The following PLXNC1 variants were observed in gnomAD, a reference collection of about 807,000 sequenced individuals.
The protein encoded by PLXNC1 is plexin-C1.
In PLXNC1, 75 loss-of-function variants were observed where a neutral mutation model predicts 178.2. The observed-to-expected ratio is 0.42, with a 90% confidence interval of 0.35 to 0.51. The LOEUF (loss-of-function observed/expected upper bound fraction) is 0.51, where lower values mean the gene tolerates loss of function less well. PLXNC1 is among the 20% of genes least tolerant of loss of function. The pLI, the probability that PLXNC1 is intolerant of heterozygous loss-of-function variation, is 0.02. For synonymous variants in PLXNC1, 790 were observed against 779.9 expected (o/e 1.01, Z -0.22); for missense variants, 1,503 against 1,984.4 (o/e 0.76, Z 4.61).
chr12:94,204,710 G>A (rs140325617), intron 4 of PLXNC1, among the ~76,000 whole-genome samples: 216 of 152,170 alleles, frequency 1.4e-3, no homozygotes, highest in African/African-American at 4.7e-3. Context: ...AGACCACCTC[G>A]CCCCTCCACT....
At position 94,217,776 on chromosome 12, in the gene PLXNC1, C is replaced by T. The variant is rs190616342; in HGVS notation, c.1555-2240C>T. Among the ~76,000 whole-genome samples the T allele has an allele frequency of 2.6e-3, 401 of 152,298 alleles. 1 individual carries two copies. The highest frequency in any genetic ancestry group is 4.2e-3 in the Non-Finnish European group (288 of 68,036). On this transcript the variant is annotated intron_variant, in intron 5 of 30. Coordinates refer to ENST00000258526, the MANE Select transcript of PLXNC1 (RefSeq NM_005761.3). ...TGATGATTCCTTGATACCATGTGAC[C>T]TTCCAGTTTTATTCTGGTGGAATGT... is the stretch of plus-strand genomic sequence containing the variant.
intron 28 of PLXNC1, among the ~76,000 whole-genome samples, chr12:94,302,250 T>TAAAA (rs1968541654): frequency 6.6e-6 from 1 of 152,222 alleles, no homozygotes; most frequent in South Asian, 2.1e-4. Flanking sequence ...ATACCCACTG[T>TAAAA]GCTACAGCTT....
chr12:94,237,709 G>C lies in PLXNC1; in HGVS notation c.2026G>C (p.Gly676Arg). ...TGAGCCACAGAAAGTATCGACATTA[G>C]GGAAAAGCAACGTGATAGTAACGGG... Reference protein sequence around the residue: ...SIEPQKVSTLGKSNVIVTGAN... With the variant: ...SIEPQKVSTLRKSNVIVTGAN... Residue 676 changes from glycine to arginine, a missense_variant, in exon 10 of 31, where the codon GGG becomes CGG. Transcript: ENST00000258526. 1 of 1,613,848 alleles carries C rather than the reference G, an allele frequency of 6.2e-7. No homozygotes were observed.
chr12:94,237,828 T>A (rs375192698), intron 10 of PLXNC1, 25 bp downstream of exon 10: 1 of 1,609,296 alleles, frequency 6.2e-7, no homozygotes, highest in Non-Finnish European at 8.5e-7. Flanking sequence ...TAATAATTTA[T>A]CCTCGGTAAC....
intron 1 of PLXNC1, among the ~76,000 whole-genome samples, chr12:94,160,829 A>C (rs903827918): frequency 6.6e-6 from 1 of 152,236 alleles, no homozygotes; most frequent in Non-Finnish European, 1.5e-5. Context: ...CGATCTATCA[A>C]AATGTTTTTT....
At chr12:94,231,273 A>AG (rs1177083253) in intron 9 of PLXNC1, among the ~76,000 whole-genome samples, 1 of 152,178 alleles carries the variant, frequency 6.6e-6, no homozygotes, top group Non-Finnish European at 1.5e-5. Flanking sequence ...TTTGAAGCAG[A>AG]GGAACCAGCA....
At chr12:94,296,785 G>A (rs1267271096) in intron 24 of PLXNC1, among the ~76,000 whole-genome samples, 1 of 152,138 alleles carries the variant, frequency 6.6e-6, no homozygotes, top group African/African-American at 2.4e-5. Flanking sequence ...TATAATAATT[G>A]TGTACCTAGA....
chr12:94,245,692 G>A (rs1183649221), intron 12 of PLXNC1, among the ~76,000 whole-genome samples: 1 of 152,156 alleles, frequency 6.6e-6, no homozygotes, highest in Non-Finnish European at 1.5e-5. Context: ...TGGGGTGGGT[G>A]GAAGCAGGGA....
Position 94,181,431 on chromosome 12 carries a change from G to GA in PLXNC1, c.1204-4dup, listed in dbSNP as rs751191739. ...AAATAGAAATCATGTTTCTCTTTTTGAAAAAAAAAAATAGGTTATTCTTGG... is the reference window on the plus strand; with the variant it reads ...AAATAGAAATCATGTTTCTCTTTTTGAAAAAAAAAAAATAGGTTATTCTTGG... On this transcript the variant is annotated splice_polypyrimidine_tract_variant and intron_variant, in intron 2 of 30. Coordinates refer to ENST00000258526, the MANE Select transcript of PLXNC1 (RefSeq NM_005761.3). 0.042 allele frequency: 42,707 copies of GA among 1,015,746 alleles called. No individual in the cohort carries two copies. The highest frequency in any genetic ancestry group is 0.054 in the East Asian group (1,565 of 28,744). The allele number at this position is 1,015,746 out of a possible 1,614,324, so 62.9% of individuals were successfully genotyped here.
intron 4 of PLXNC1, among the ~76,000 whole-genome samples, chr12:94,187,067 C>A (rs184186855): frequency 1.3e-5 from 2 of 152,288 alleles, no homozygotes; most frequent in East Asian, 1.9e-4. Flanking sequence ...TTCCTAGCGT[C>A]GCTGGGCCCG....
chr12:94,291,300 A>G (rs182655984), intron 23 of PLXNC1, among the ~76,000 whole-genome samples: 12 of 152,332 alleles, frequency 7.9e-5, no homozygotes, highest in African/African-American at 2.6e-4. Context: ...CAGTGGCACA[A>G]TCGTGGCTCA....
intron 7 of PLXNC1, among the ~76,000 whole-genome samples, chr12:94,225,708 C>T (rs145398758): frequency 1.3e-5 from 2 of 152,148 alleles, no homozygotes; most frequent in Admixed American, 6.5e-5. Context: ...GGAGGGTGAG[C>T]GCCCTTTCCA....
At chr12:94,241,724 A>G (rs1964393830) in intron 11 of PLXNC1, among the ~76,000 whole-genome samples, 1 of 152,134 alleles carries the variant, frequency 6.6e-6, no homozygotes, top group Non-Finnish European at 1.5e-5. Context: ...ATAATACTCC[A>G]TTGTGTATAG....
rs1962303330 is a variant in PLXNC1, at chr12:94,181,467, A to T, written c.1225A>T (p.Thr409Ser). ...LLKVILGENL[T>S]SNCPEVIYEI... The stretch of plus-strand genomic sequence containing the variant: ...ATAGGTTATTCTTGGTGAGAATTTG[A>T]CTTCAAATTGTCCAGAGGTTATCTA... The change falls in exon 3 of 31, where the codon ACT (threonine) becomes TCT (serine). Residue 409 changes from threonine (T) to serine (S), a missense_variant. Coordinates refer to ENST00000258526, the MANE Select transcript of PLXNC1 (RefSeq NM_005761.3). 1.3e-6 allele frequency: 2 copies of T among 1,572,172 alleles called. No homozygotes were observed. Among genetic ancestry groups the T allele is most frequent in the South Asian group, 1.1e-5 (1 of 87,172 alleles).
chr12:94,263,017 G>C (rs118178205), intron 20 of PLXNC1, among the ~76,000 whole-genome samples: 29 of 152,298 alleles, frequency 1.9e-4, no homozygotes, highest in Non-Finnish European at 3.1e-4. Flanking sequence ...CCACCGCCCT[G>C]TGCCCTGAAA....
At position 94,149,548 on chromosome 12, in the gene PLXNC1, C is replaced by G; in HGVS notation, c.577C>G (p.Arg193Gly). The G allele has an allele frequency of 6.4e-7, 1 of 1,553,784 alleles. No homozygotes were observed. Among genetic ancestry groups the G allele is most frequent in the Non-Finnish European group, 8.7e-7 (1 of 1,154,624 alleles). Residue 193 changes from arginine to glycine, a missense_variant, in exon 1 of 31, where the codon CGC becomes GGC. Coordinates refer to ENST00000258526, the MANE Select transcript of PLXNC1 (RefSeq NM_005761.3). The part of the protein sequence containing the change: ...YVLPEPETAS[R>G]CNPAASDHDT... The stretch of plus-strand genomic sequence containing the variant: ...GCTGCCTGAGCCGGAGACGGCGAGC[C>G]GCTGCAACCCCGCGGCATCCGACCA...
At position 94,298,699 on chromosome 12, in the gene PLXNC1, C is replaced by T; in HGVS notation, c.4142C>T (p.Pro1381Leu). The change falls in exon 27 of 31, where the codon CCA becomes CTA. Residue 1381 changes from proline to leucine, a missense_variant. By Grantham distance (98) the Pro-to-Leu change is moderately conservative. Transcript: ENST00000258526. ...SIWSLPNSRA[P>L]FAIKYFFDFL... ...TGGAGTTTACCCAACAGCAGAGCTCCATTTGCTATAAAATACTTTTTTGAC... is the reference window on the plus strand; with the variant it reads ...TGGAGTTTACCCAACAGCAGAGCTCTATTTGCTATAAAATACTTTTTTGAC... 6.2e-7 allele frequency: 1 copy of T among 1,612,960 alleles called. No homozygotes were observed. Among genetic ancestry groups the T allele is most frequent in the Non-Finnish European group, 8.5e-7 (1 of 1,179,680 alleles).
rs1409324498 is a variant in PLXNC1, at chr12:94,219,914, C to T, written c.1555-102C>T. ...TTTACATCAGCTCTTCTGAGAAATT[C>T]TCCCTCCTGTGGCAGGTCAAAGGGT... On this transcript the variant is annotated intron_variant, in intron 5 of 30. Coordinates refer to ENST00000258526, the MANE Select transcript of PLXNC1 (RefSeq NM_005761.3). 3 of 975,744 alleles carry T rather than the reference C, an allele frequency of 3.1e-6. No homozygotes were observed. In the African/African-American group the frequency reaches 4.8e-5, roughly 16 times the overall value. The allele number at this position is 975,744 out of a possible 1,614,324, so 60.4% of individuals were successfully genotyped here. A position where few individuals can be genotyped will look rare whatever the true frequency, so the allele number is the denominator to read the frequency against.
At chr12:94,244,486 G>A (rs73366669) in intron 12 of PLXNC1, among the ~76,000 whole-genome samples, 11,218 of 152,168 alleles carry the variant, frequency 0.074, 475 homozygotes, top group East Asian at 0.13. Flanking sequence ...CCTTCTCTTC[G>A]ACCCAATTTG....
Sources: allele counts gnomAD v4.1 joint callset (sites outside exome capture counted in the v4.1 genomes callset), GRCh38; gene constraint gnomAD v4.1.1; transcripts MANE v1.5; gene names NCBI Gene and HGNC (gene_info 2026-07-23, HGNC 2026-07-21).